Variants in ANXA6 observed in about 807,000 individuals in gnomAD.
The protein encoded by ANXA6 is 67 kDa calelectrin.
A neutral mutation model predicts 95.4 loss-of-function variants in ANXA6; 71 were observed. The observed-to-expected ratio is 0.74, with a 90% CI of 0.61 to 0.91. The LOEUF is 0.91. Ranked by LOEUF, ANXA6 falls within the 40% of genes least tolerant of loss-of-function variation. ANXA6 has a pLI of 0.00. For synonymous variants in ANXA6, 289 were observed against 315.9 expected (o/e 0.91, Z 0.90); for missense variants, 830 against 876.4 (o/e 0.95, Z 0.67).
Position 151,100,797 on chromosome 5 carries a change from A to G in ANXA6, c.*651T>C. On this transcript the variant is annotated 3_prime_UTR_variant, in exon 26 of 26. Transcript: ENST00000354546. ...ATCGGAGGCATACTTTAGGAAGTTA[A>G]TGTTAGAAGGGAAGCCAAGATTTTT... 2 of 446,998 alleles carry G rather than the reference A, an allele frequency of 4.5e-6. No individual in the cohort carries two copies. The highest frequency in any genetic ancestry group is 3.1e-5 in the South Asian group (2 of 64,010). 27.7% of individuals were successfully genotyped at this position (446,998 alleles called of 1,614,324 possible).
intron 18 of ANXA6, 83 bp downstream of exon 18, chr5:151,119,217 C>T: frequency 2.6e-6 from 3 of 1,173,260 alleles, no homozygotes; most frequent in South Asian, 2.4e-5. Context: ...GGCCAGAGTC[C>T]TGGGCAGAGC....
At chr5:151,105,975 A>C (rs766419730) in intron 23 of ANXA6, among the ~76,000 whole-genome samples, 1 of 152,154 alleles carries the variant, frequency 6.6e-6, no homozygotes, top group Non-Finnish European at 1.5e-5. Flanking sequence ...GCCTTGCGCA[A>C]ATCAGGATGG....
intron 2 of ANXA6, among the ~76,000 whole-genome samples, chr5:151,145,904 G>T (rs1302036223): frequency 2.6e-5 from 4 of 152,060 alleles, no homozygotes; most frequent in Admixed American, 2.6e-4. Flanking sequence ...GAGCCCCCTT[G>T]TTCCTCCCCT....
chr5:151,114,752 G>A (rs1410167535), intron 20 of ANXA6, among the ~76,000 whole-genome samples: 1 of 151,730 alleles, frequency 6.6e-6, no homozygotes, highest in Non-Finnish European at 1.5e-5. Context: ...AGTGAAAGGG[G>A]AAGCAATTAA....
chr5:151,113,261 G>C (rs1298729101), intron 20 of ANXA6, among the ~76,000 whole-genome samples: 3 of 152,136 alleles, frequency 2.0e-5, no homozygotes, highest in Non-Finnish European at 2.9e-5. Flanking sequence ...AATTAGCCGG[G>C]TGTGGTGGCA....
intron 18 of ANXA6, among the ~76,000 whole-genome samples, chr5:151,118,367 T>G (rs890994914): frequency 1.3e-5 from 2 of 151,990 alleles, no homozygotes; most frequent in Admixed American, 6.6e-5. Flanking sequence ...GCTCAGGTGA[T>G]CCTCCCACCT....
At chr5:151,143,726 G>C (rs968062086) in intron 2 of ANXA6, among the ~76,000 whole-genome samples, 2 of 152,130 alleles carry the variant, frequency 1.3e-5, no homozygotes, top group Non-Finnish European at 2.9e-5. Context: ...CGCATTTCTA[G>C]CACCAAGTAC....
chr5:151,121,588 A>G (rs1015147974), intron 17 of ANXA6, among the ~76,000 whole-genome samples: 1 of 152,160 alleles, frequency 6.6e-6, no homozygotes, highest in Non-Finnish European at 1.5e-5. Flanking sequence ...TCCCAGATGA[A>G]GGCACAGAGG....
intron 24 of ANXA6, among the ~76,000 whole-genome samples, chr5:151,104,457 G>A (rs1764639978): frequency 6.6e-6 from 1 of 152,204 alleles, no homozygotes; most frequent in Non-Finnish European, 1.5e-5. Context: ...GTAAATGTGG[G>A]CAACGTTTTA....
chr5:151,129,451 T>A lies in ANXA6; in HGVS notation c.874A>T (p.Ile292Phe). Residue 292 changes from isoleucine (I) to phenylalanine (F), a missense_variant, in exon 12 of 26, where the codon ATC (isoleucine) becomes TTC (phenylalanine). Transcript: ENST00000354546. ...GACTTCTCATACTTGGTCCGGAAGA[T>A]CTCCCGAATGTCGAGCATGTCCAAC... Reference protein sequence around the residue: ...SELDMLDIREIFRTKYEKSLY... With the variant: ...SELDMLDIREFFRTKYEKSLY... 5 of 1,613,438 alleles carry A rather than the reference T, an allele frequency of 3.1e-6. No individual in the cohort carries two copies. Among genetic ancestry groups the A allele is most frequent in the Non-Finnish European group, 4.2e-6 (5 of 1,179,838 alleles).
At chr5:151,109,937 G>A in intron 21 of ANXA6, 91 bp from the exon 22 acceptor site, 1 of 1,013,856 alleles carries the variant, frequency 9.9e-7, no homozygotes, top group Non-Finnish European at 1.5e-6. Context: ...CCTGGGCTGA[G>A]GGCAGTCAGA....
intron 1 of ANXA6, among the ~76,000 whole-genome samples, chr5:151,150,728 G>A (rs998228972): frequency 6.6e-6 from 1 of 152,206 alleles, no homozygotes; most frequent in African/African-American, 2.4e-5. Flanking sequence ...CCAGTGTGTG[G>A]TGGGGGGAGG....
At chr5:151,146,717 C>A (rs572981982) in intron 2 of ANXA6, among the ~76,000 whole-genome samples, 1 of 152,190 alleles carries the variant, frequency 6.6e-6, no homozygotes, top group Non-Finnish European at 1.5e-5. Flanking sequence ...CCAATCCCAT[C>A]GTCACACTGA....
rs1280127297 is a variant in ANXA6, at chr5:151,100,714, T to C, written c.*734A>G. ...GAGGCCCTCACTGGAAATGTGTTTA[T>C]GTGTTTGTGTATCTCTTTTTATTTC... On this transcript the variant is annotated 3_prime_UTR_variant, in exon 26 of 26. Transcript: ENST00000354546. 2.2e-5 allele frequency: 8 copies of C among 371,518 alleles called. No homozygotes were observed. The highest frequency in any genetic ancestry group is 3.7e-5 in the Non-Finnish European group (7 of 187,558). 23.0% of individuals were successfully genotyped at this position (371,518 alleles called of 1,614,324 possible).
intron 1 of ANXA6, among the ~76,000 whole-genome samples, chr5:151,150,572 G>A (rs2113959940): frequency 1.3e-5 from 2 of 152,342 alleles, no homozygotes; most frequent in Non-Finnish European, 2.9e-5. Flanking sequence ...ATATGGGGTT[G>A]GGAGTGGAAG....
intron 25 of ANXA6, among the ~76,000 whole-genome samples, chr5:151,102,204 T>A (rs531879278): frequency 6.6e-6 from 1 of 152,332 alleles, no homozygotes; most frequent in South Asian, 2.1e-4. Flanking sequence ...TTTTCGGGAT[T>A]TTGTTTGTCC....
At chr5:151,117,398 CG>C (rs897240213) in intron 19 of ANXA6, among the ~76,000 whole-genome samples, 2 of 152,174 alleles carry the variant, frequency 1.3e-5, no homozygotes, top group Non-Finnish European at 2.9e-5. Context: ...AGCAAGCTCT[CG>C]GTAACTGTCA....
At chr5:151,139,142 C>T in intron 4 of ANXA6, 1 of 593,066 alleles carries the variant, frequency 1.7e-6, no homozygotes, top group Non-Finnish European at 3.0e-6. Context: ...GCAGCCCTAA[C>T]ACCTAGCACG....
chr5:151,141,700 G>A lies in ANXA6; in HGVS notation c.19-1457C>T, dbSNP rs922159749. The A allele has an allele frequency of 1.0e-5, 10 of 985,434 alleles. No homozygotes were observed. In the South Asian group the frequency reaches 1.4e-4, roughly 14 times the overall value. The allele number at this position is 985,434 out of a possible 1,614,324, so 61.0% of individuals were successfully genotyped here. ...TCTGAGGTATGCATGCGTCGGCGTGGAGTTACTATTTAAAGTTCTGACCAG... is the reference window on the plus strand; with the variant it reads ...TCTGAGGTATGCATGCGTCGGCGTGAAGTTACTATTTAAAGTTCTGACCAG... On this transcript the variant is annotated intron_variant, in intron 2 of 25. Transcript: ENST00000354546.
Sources: allele counts gnomAD v4.1 joint callset (sites outside exome capture counted in the v4.1 genomes callset), GRCh38; gene constraint gnomAD v4.1.1; transcripts MANE v1.5; gene names NCBI Gene and HGNC (gene_info 2026-07-23, HGNC 2026-07-21).